Variants in ZC3H18 observed in about 807,000 individuals in gnomAD.
ZC3H18 encodes zinc finger CCCH domain-containing protein 18.
In ZC3H18, 8 loss-of-function variants were observed where a neutral mutation model predicts 106.1. The ratio of observed to expected loss-of-function variants is 0.08; its 90% CI spans 0.04 to 0.14. The LOEUF is 0.14. Ranked by LOEUF, ZC3H18 falls within the 10% of genes least tolerant of loss-of-function variation. ZC3H18 has a pLI of 1.00. For missense variants in ZC3H18, 1,318 were observed against 1,278.4 expected, an observed-to-expected ratio of 1.03 and a Z score of -0.47; for synonymous variants, 635 against 522.1, an observed-to-expected ratio of 1.22 and a Z score of -2.95.
chr16:88,623,921 C>T (rs201356073), intron 10 of ZC3H18, 37 bp from the exon 11 acceptor site: 1 of 1,579,004 alleles, frequency 6.3e-7, no homozygotes, highest in Admixed American at 1.7e-5. Flanking sequence ...AAGAAACACC[C>T]CCAGGCCCCT....
chr16:88,623,737 G>A (rs957920027), intron 10 of ZC3H18: 12 of 797,040 alleles, frequency 1.5e-5, no homozygotes, highest in Admixed American at 6.8e-5. Context: ...CTCGCCTCCC[G>A]GAGGACCCGC....
intron 6 of ZC3H18, among the ~76,000 whole-genome samples, chr16:88,601,017 T>G (rs1353395336): frequency 6.6e-6 from 1 of 152,212 alleles, no homozygotes; most frequent in Non-Finnish European, 1.5e-5. Flanking sequence ...GTGCAGGGCT[T>G]GCACTCCAGG....
At position 88,631,632 on chromosome 16, in the gene ZC3H18, G is replaced by A. The variant is rs1306212433; in HGVS notation, c.*333G>A. 1 of 480,232 alleles carries A rather than the reference G, an allele frequency of 2.1e-6. No individual in the cohort carries two copies. Among genetic ancestry groups the A allele is most frequent in the Non-Finnish European group, 4.1e-6 (1 of 243,432 alleles). The allele number at this position is 480,232 out of a possible 1,614,324, so 29.7% of individuals were successfully genotyped here. A position where few individuals can be genotyped will look rare whatever the true frequency, so the allele number is the denominator to read the frequency against. The stretch of plus-strand genomic sequence containing the variant: ...CCCTGGCCCTGGTCAGGCCTGTGGA[G>A]CCCCAGCTCTGGGTCCCTAGCCCGG... On this transcript the variant is annotated 3_prime_UTR_variant, in exon 18 of 18. Transcript: ENST00000301011.
chr16:88,625,156 C>A, intron 12 of ZC3H18, 46 bp from the exon 13 acceptor site: 2 of 1,552,258 alleles, frequency 1.3e-6, no homozygotes, highest in Non-Finnish European at 1.7e-6. Flanking sequence ...CCGCGAGGGG[C>A]TGTGGAGGCC....
intron 3 of ZC3H18, among the ~76,000 whole-genome samples, 156 bp from the exon 4 acceptor site, chr16:88,598,022 C>A (rs951044334): frequency 5.3e-5 from 8 of 152,138 alleles, no homozygotes; most frequent in African/African-American, 1.9e-4. Context: ...CCAGGCTCAT[C>A]CCGCCCACCT....
chr16:88,608,830 C>A, intron 6 of ZC3H18, 104 bp from the exon 7 acceptor site: 1 of 931,680 alleles, frequency 1.1e-6, no homozygotes, highest in Non-Finnish European at 1.7e-6. Flanking sequence ...GGAGTAAACC[C>A]CACTGCGTCA....
At chr16:88,571,784 G>C in intron 1 of ZC3H18, 1 of 647,276 alleles carries the variant, frequency 1.5e-6, no homozygotes, top group Non-Finnish European at 1.9e-6. Flanking sequence ...GTCACGCTTG[G>C]TCACTTTGCA....
At chr16:88,623,863 G>A (rs1906123607) in intron 10 of ZC3H18, 95 bp from the exon 11 acceptor site, 1 of 1,488,614 alleles carries the variant, frequency 6.7e-7, no homozygotes, top group East Asian at 2.3e-5. Context: ...GGAAATTCGT[G>A]GCCTTCTCCA....
At position 88,622,231 on chromosome 16, in the gene ZC3H18, A is replaced by G; in HGVS notation, c.1510A>G (p.Thr504Ala). The G allele has an allele frequency of 6.2e-7, 1 of 1,612,240 alleles. No individual in the cohort carries two copies. The highest frequency in any genetic ancestry group is 8.5e-7 in the Non-Finnish European group (1 of 1,178,816). ...TGAGCCACCAAAGAAGGAGGCTGCC[A>G]CCACGGGGCCGCAGGTGAAGAGAGC... Reference protein sequence around the residue: ...QAEPPKKEAATTGPQVKRADE... With the variant: ...QAEPPKKEAAATGPQVKRADE... Residue 504 changes from threonine to alanine, a missense_variant, in exon 9 of 18, where the codon ACC becomes GCC. By Grantham distance (58) the Thr-to-Ala change is moderately conservative (BLOSUM62 0). Around this residue, in one of 6 missense-constraint regions of ZC3H18, gnomAD observed 848 missense variants for 821.7 expected, o/e 1.03. Coordinates refer to ENST00000301011, the MANE Select transcript of ZC3H18 (RefSeq NM_144604.4).
rs201210182 is a variant in ZC3H18, at chr16:88,624,688, C to T, written c.1985C>T (p.Pro662Leu). Residue 662 changes from proline (P) to leucine (L), a missense_variant, in exon 12 of 18, where the codon CCA (proline) becomes CTA (leucine). Pro to Leu is a moderately conservative substitution (Grantham distance 98, BLOSUM62 -3). Coordinates refer to ENST00000301011, the MANE Select transcript of ZC3H18 (RefSeq NM_144604.4). ...GCTCCTGTCCCCGAGCCCACCAAGC[C>T]AGGAGACCCTCGGGAAGCCAGGAGG... ...TTAPVPEPTK[P>L]GDPREARRKE... 42 of 1,613,490 alleles carry T rather than the reference C, an allele frequency of 2.6e-5. No homozygotes were observed. In the Middle Eastern group the frequency reaches 5.0e-4, roughly 19 times the overall value.
chr16:88,597,121 C>T (rs182558291), intron 3 of ZC3H18, among the ~76,000 whole-genome samples: 2 of 152,294 alleles, frequency 1.3e-5, no homozygotes, highest in African/African-American at 4.8e-5. Flanking sequence ...CGGGGTTTCA[C>T]CATGTTAGCC....
At chr16:88,602,667 C>G (rs766981613) in intron 6 of ZC3H18, among the ~76,000 whole-genome samples, 6 of 152,178 alleles carry the variant, frequency 3.9e-5, no homozygotes, top group Non-Finnish European at 8.8e-5. Context: ...ATTTTATTTC[C>G]TAATGTCGAG....
intron 8 of ZC3H18, among the ~76,000 whole-genome samples, chr16:88,615,035 C>T (rs1827765053): frequency 6.6e-6 from 1 of 150,928 alleles, no homozygotes; most frequent in Admixed American, 6.6e-5. Context: ...GACAGGCTGC[C>T]CCCACCTGCT....
At chr16:88,582,457 C>T (rs566900244) in intron 2 of ZC3H18, among the ~76,000 whole-genome samples, 9 of 152,158 alleles carry the variant, frequency 5.9e-5, no homozygotes, top group African/African-American at 1.9e-4. Flanking sequence ...CTCCTGACCT[C>T]GTGATCCACC....
At chr16:88,575,438 A>G (rs753229555) in intron 1 of ZC3H18, among the ~76,000 whole-genome samples, 5 of 151,994 alleles carry the variant, frequency 3.3e-5, no homozygotes, top group African/African-American at 1.2e-4. Flanking sequence ...CAGACTGAAC[A>G]GTCAAGTGAC....
rs114437439 is a variant in ZC3H18, at chr16:88,577,396, C to T, written c.273C>T (p.Gly91=). Residue 91 remains glycine, a synonymous_variant, in exon 2 of 18, where the codon GGC becomes GGT. Coordinates refer to ENST00000301011, the MANE Select transcript of ZC3H18 (RefSeq NM_144604.4). Reference sequence around the variant, plus strand: ...CAGAGGTGAATGAGCTGAGCCGGGGCCCGACCAGCTCCCCCTGCGAGGAGG... The same window carrying T: ...CAGAGGTGAATGAGCTGAGCCGGGGTCCGACCAGCTCCCCCTGCGAGGAGG... The part of the protein sequence containing the change: ...QDSEVNELSR[G]PTSSPCEEEG... 6.3e-7 allele frequency: 1 copy of T among 1,597,980 alleles called. No individual in the cohort carries two copies. The highest frequency in any genetic ancestry group is 1.1e-5 in the South Asian group (1 of 89,124).
chr16:88,590,476 T>C (rs1263611753), intron 3 of ZC3H18, among the ~76,000 whole-genome samples: 1 of 152,054 alleles, frequency 6.6e-6, no homozygotes, highest in African/African-American at 2.4e-5. Context: ...CGTGGGCCTG[T>C]GTTGGATCAT....
chr16:88,577,392 G>C lies in ZC3H18; in HGVS notation c.269G>C (p.Arg90Pro), dbSNP rs115806265. ...DQDSEVNELS[R>P]GPTSSPCEEE... Reference sequence around the variant, plus strand: ...GACTCAGAGGTGAATGAGCTGAGCCGGGGCCCGACCAGCTCCCCCTGCGAG... The same window carrying C: ...GACTCAGAGGTGAATGAGCTGAGCCCGGGCCCGACCAGCTCCCCCTGCGAG... Residue 90 changes from arginine to proline, a missense_variant, in exon 2 of 18, where the codon CGG (arginine) becomes CCG (proline). Coordinates refer to ENST00000301011, the MANE Select transcript of ZC3H18 (RefSeq NM_144604.4). 1 of 1,597,248 alleles carries C rather than the reference G, an allele frequency of 6.3e-7. No individual in the cohort carries two copies. Among genetic ancestry groups the C allele is most frequent in the Non-Finnish European group, 8.5e-7 (1 of 1,169,910 alleles).
chr16:88,588,795 C>A (rs1915581823), intron 3 of ZC3H18, among the ~76,000 whole-genome samples: 1 of 151,716 alleles, frequency 6.6e-6, no homozygotes. Context: ...CTGACAGGGG[C>A]AGATCACTTG....
Sources: gnomAD v4.1 joint callset for allele counts (sites outside exome capture counted in the v4.1 genomes callset) on GRCh38, gnomAD v4.1.1 for gene constraint, gnomAD v4.1.1 regional missense constraint, MANE v1.5 for transcripts, NCBI Gene and HGNC (gene_info 2026-07-23, HGNC 2026-07-21) for gene names.